TXK: variants seen among roughly 807,000 people sequenced by gnomAD.
TXK encodes TXK tyrosine kinase, also known as tyrosine-protein kinase TXK.
A neutral mutation model predicts 81.0 loss-of-function variants in TXK; 60 were observed. That is an observed-to-expected ratio of 0.74 (90% CI 0.60 to 0.92). The LOEUF (loss-of-function observed/expected upper bound fraction) is 0.92, where lower values mean the gene tolerates loss of function less well. Ranked by LOEUF, TXK falls within the 40% of genes least tolerant of loss-of-function variation. The pLI is 0.00. For synonymous variants in TXK, 203 were observed against 210.7 expected (o/e 0.96, Z 0.32); for missense variants, 581 against 638.3 (o/e 0.91, Z 0.97).
intron 9 of TXK, among the ~76,000 whole-genome samples, chr4:48,088,865 TTG>T (rs1413851530): frequency 1.3e-5 from 2 of 152,178 alleles, no homozygotes; most frequent in Non-Finnish European, 2.9e-5. Context: ...TCCCAATATA[TTG>T]TGTTATTAAT....
intron 12 of TXK, among the ~76,000 whole-genome samples, chr4:48,075,421 G>A (rs941327258): frequency 6.6e-6 from 1 of 152,104 alleles, no homozygotes; most frequent in Non-Finnish European, 1.5e-5. Context: ...TGGAGGTGAG[G>A]TGGGTGGATA....
intron 14 of TXK, 150 bp downstream of exon 14, chr4:48,071,367 T>G: frequency 3.2e-5 from 23 of 726,390 alleles, no homozygotes; most frequent in East Asian, 8.0e-5. Context: ...GTAGTGAGTT[T>G]GAGATAGTAC....
intron 11 of TXK, 47 bp from the exon 12 acceptor site, chr4:48,076,513 T>C: frequency 6.5e-7 from 1 of 1,546,172 alleles, no homozygotes. Flanking sequence ...AGCTTTTATT[T>C]CAAGAGTTTT....
intron 11 of TXK, among the ~76,000 whole-genome samples, chr4:48,078,556 C>T (rs4589663): frequency 0.31 from 47,317 of 152,086 alleles, 8,787 homozygotes; most frequent in Non-Finnish European, 0.41. Flanking sequence ...GTGAATATCA[C>T]GAATAAATGT....
chr4:48,071,813 G>C, intron 13 of TXK, 139 bp from the exon 14 acceptor site: 1 of 906,956 alleles, frequency 1.1e-6, no homozygotes. Flanking sequence ...CAGCGGTTCT[G>C]TCAAGGAAGC....
chr4:48,120,207 G>GTATATGTACA (rs1718917457), intron 1 of TXK, among the ~76,000 whole-genome samples: 2 of 91,688 alleles, frequency 2.2e-5, no homozygotes, highest in Admixed American at 2.8e-4. Flanking sequence ...ACATATATAC[G>GTATATGTACA]TATATATGTA....
At chr4:48,104,996 A>T (rs759683581) in intron 5 of TXK, 41 bp from the exon 6 acceptor site, 2 of 1,448,646 alleles carry the variant, frequency 1.4e-6, no homozygotes, top group East Asian at 5.1e-5. Flanking sequence ...TTTATATTCA[A>T]TTTTTTTAAG....
chr4:48,070,893 CTTTTTTTTTTTT>C (rs11309334), intron 14 of TXK, among the ~76,000 whole-genome samples: 1 of 84,336 alleles, frequency 1.2e-5, no homozygotes, highest in East Asian at 4.0e-4. Flanking sequence ...TCATTTAATT[CTTTTTTTTTTTT>C]TTTTTTTTTT....
chr4:48,076,571 G>T, intron 11 of TXK, 105 bp from the exon 12 acceptor site: 2 of 870,880 alleles, frequency 2.3e-6, no homozygotes, highest in Non-Finnish European at 3.7e-6. Context: ...ACCTCTCTGT[G>T]TGTACCGCCA....
intron 1 of TXK, among the ~76,000 whole-genome samples, chr4:48,114,754 C>CTGTT (rs1177719237): frequency 6.6e-6 from 1 of 152,172 alleles, no homozygotes; most frequent in Non-Finnish European, 1.5e-5. Context: ...CCTAGGAAAT[C>CTGTT]TGTTAGCAGG....
intron 9 of TXK, among the ~76,000 whole-genome samples, chr4:48,088,265 T>C (rs1717615404): frequency 6.6e-6 from 1 of 152,162 alleles, no homozygotes; most frequent in South Asian, 2.1e-4. Context: ...ATCTACTACA[T>C]CTAAACATAT....
intron 12 of TXK, among the ~76,000 whole-genome samples, chr4:48,076,071 T>A (rs1170987629): frequency 6.6e-6 from 1 of 152,242 alleles, no homozygotes; most frequent in African/African-American, 2.4e-5. Context: ...ACAAATTTAT[T>A]TCTTTTTCTT....
At chr4:48,114,241 T>A in intron 2 of TXK, 107 bp downstream of exon 2, 1 of 1,147,688 alleles carries the variant, frequency 8.7e-7, no homozygotes, top group Non-Finnish European at 1.3e-6. Flanking sequence ...GGGAGAAGGT[T>A]CCCAGGTAGA....
chr4:48,113,297 T>C lies in TXK; in HGVS notation c.84A>G (p.Thr28=), dbSNP rs917812151. 14 of 1,605,990 alleles carry C rather than the reference T, an allele frequency of 8.7e-6. No individual in the cohort carries two copies. In the Admixed American group the frequency reaches 1.8e-4, roughly 21 times the overall value. ...CTTCATCTGTGCTCAGGCTTATCTG[T>C]GTTCTCATTTGTCTGACATTGAAAA... The part of the protein sequence containing the change: ...CCSVQKRQMR[T]QISLSTDEEL... The change falls in exon 3 of 15, where the codon ACA becomes ACG. Residue 28 remains threonine (T), a synonymous_variant. Coordinates refer to ENST00000264316, the MANE Select transcript of TXK (RefSeq NM_003328.3).
At chr4:48,101,707 C>A (rs1308252264) in intron 6 of TXK, among the ~76,000 whole-genome samples, 1 of 151,226 alleles carries the variant, frequency 6.6e-6, no homozygotes, top group African/African-American at 2.4e-5. Flanking sequence ...CTGATAAAGA[C>A]CCAGATGTGG....
rs200152456 is a variant in TXK at position 48,071,597 on chromosome 4, T to C, written c.1435A>G (p.Ile479Val). The C allele has an allele frequency of 1.9e-6, 3 of 1,614,162 alleles. No individual in the cohort carries two copies. The highest frequency in any genetic ancestry group is 2.2e-5 in the East Asian group (1 of 44,878). The change falls in exon 14 of 15, where the codon ATT (isoleucine) becomes GTT (valine). Residue 479 changes from isoleucine to valine, a missense_variant. Coordinates refer to ENST00000264316, the MANE Select transcript of TXK (RefSeq NM_003328.3). ...NKSNLQVVEA[I>V]SEGFRLYRPH... is the part of the protein sequence containing the mutation. ...CGATATAGCCTGAAGCCTTCAGAAA[T>C]AGCTTCCACGACTTGCAAATTTGAC... is the stretch of plus-strand genomic sequence containing the variant.
At chr4:48,069,755 C>T (rs1323322719) in intron 14 of TXK, among the ~76,000 whole-genome samples, 1 of 152,168 alleles carries the variant, frequency 6.6e-6, no homozygotes, top group Non-Finnish European at 1.5e-5. Flanking sequence ...ACTTCCCTTC[C>T]TCCTTCTATG....
intron 7 of TXK, 97 bp from the exon 8 acceptor site, chr4:48,094,301 C>T (rs747323066): frequency 2.5e-5 from 34 of 1,343,326 alleles, no homozygotes; most frequent in Non-Finnish European, 3.3e-5. Flanking sequence ...TAAAACTCAT[C>T]CTAGCAACAC....
chr4:48,080,149 C>T (rs1414550137), intron 10 of TXK, 21 bp from the exon 11 acceptor site: 1 of 1,568,952 alleles, frequency 6.4e-7, no homozygotes, highest in Admixed American at 1.7e-5. Flanking sequence ...AAAACATACA[C>T]CAGTGAGCAG....
Sources: gnomAD v4.1 joint callset for allele counts (sites outside exome capture counted in the v4.1 genomes callset) on GRCh38, gnomAD v4.1.1 for gene constraint, MANE v1.5 for transcripts, NCBI Gene and HGNC (gene_info 2026-07-23, HGNC 2026-07-21) for gene names.